SLC4A8: variants seen among roughly 807,000 people sequenced by gnomAD.
SLC4A8 encodes the protein electroneutral sodium bicarbonate exchanger 1.
Under a neutral mutation model 125.0 loss-of-function variants are expected in SLC4A8, and 40 were observed. The observed-to-expected ratio is 0.32, with a 90% CI of 0.25 to 0.42. SLC4A8 has a LOEUF of 0.42. Among genes scored for constraint, SLC4A8 ranks in the 10% least tolerant of loss-of-function variants. The probability of loss-of-function intolerance (pLI) is 1.00; values close to 1 mark genes in which losing one functional copy is unlikely to be tolerated. For missense variants in SLC4A8, 863 were observed against 1,355.1 expected (o/e 0.64, Z 5.70); for synonymous variants, 456 against 476.0 (o/e 0.96, Z 0.55).
chr12:51,440,842 G>T, intron 2 of SLC4A8, 53 bp downstream of exon 2: 9 of 1,439,252 alleles, frequency 6.3e-6, no homozygotes, highest in Non-Finnish European at 8.6e-6. Context: ...GCAGCCTGGT[G>T]TGGGAAGACC....
In SLC4A8 at chr12:51,475,218, G is replaced by A. The variant is rs1228480562; in HGVS notation, c.2172+12G>A. On this transcript the variant is annotated intron_variant, in intron 16 of 24. Coordinates refer to ENST00000453097, the MANE Select transcript of SLC4A8 (RefSeq NM_001039960.3). ...ATTTCCCAACCAGAGTAGGTAGCAT[G>A]TTCATGCATTTCTTTCACGTTAGAA... 1.1e-5 allele frequency: 17 copies of A among 1,612,924 alleles called. No individual in the cohort carries two copies. The highest frequency in any genetic ancestry group is 1.3e-5 in the Non-Finnish European group (15 of 1,179,010).
chr12:51,447,958 A>G (rs1212170268), intron 2 of SLC4A8, among the ~76,000 whole-genome samples: 1 of 151,336 alleles, frequency 6.6e-6, no homozygotes, highest in Non-Finnish European at 1.5e-5. Context: ...TGACCTTGTG[A>G]TCCGCCTGCC....
At chr12:51,498,879 CA>C (rs1179044009) in intron 22 of SLC4A8, among the ~76,000 whole-genome samples, 1 of 35,912 alleles carries the variant, frequency 2.8e-5, no homozygotes. Flanking sequence ...GATCCTGTCT[CA>C]AAAAAAAAAA....
At chr12:51,415,644 CTA>C (rs1948672836) in intron 1 of SLC4A8, among the ~76,000 whole-genome samples, 1 of 151,538 alleles carries the variant, frequency 6.6e-6, no homozygotes, top group African/African-American at 2.4e-5. Context: ...ATCTTTGTTG[CTA>C]TGTTATTTGT....
chr12:51,457,560 TTC>T (rs1286332365), intron 6 of SLC4A8, 21 bp downstream of exon 6: 3 of 1,599,686 alleles, frequency 1.9e-6, no homozygotes, highest in Admixed American at 1.7e-5. Context: ...TAGGTGATTT[TTC>T]TCTCTTTATT....
chr12:51,447,714 CTT>C (rs1239053396), intron 2 of SLC4A8, among the ~76,000 whole-genome samples: 149 of 125,640 alleles, frequency 1.2e-3, no homozygotes, highest in African/African-American at 3.5e-3. Context: ...GGGATTTCCA[CTT>C]TTTTTTTTTT....
At chr12:51,402,654 G>A (rs1948413496) in intron 1 of SLC4A8, among the ~76,000 whole-genome samples, 1 of 152,110 alleles carries the variant, frequency 6.6e-6, no homozygotes, top group African/African-American at 2.4e-5. Context: ...CCTGGGAGGT[G>A]GAGGTTGCAG....
intron 1 of SLC4A8, among the ~76,000 whole-genome samples, chr12:51,402,715 T>G (rs1212248270): frequency 1.3e-5 from 2 of 152,072 alleles, no homozygotes; most frequent in African/African-American, 4.8e-5. Context: ...AGAGTGAAAC[T>G]CCATCTCAAA....
intron 1 of SLC4A8, among the ~76,000 whole-genome samples, chr12:51,431,027 GTTTC>G (rs1228018870): frequency 6.6e-6 from 1 of 152,212 alleles, no homozygotes; most frequent in Non-Finnish European, 1.5e-5. Flanking sequence ...TGGCGGGACT[GTTTC>G]TTTCTGGAGG....
At chr12:51,433,450 C>G (rs1949261373) in intron 1 of SLC4A8, among the ~76,000 whole-genome samples, 1 of 151,982 alleles carries the variant, frequency 6.6e-6, no homozygotes, top group Non-Finnish European at 1.5e-5. Context: ...ATGTGTTTCT[C>G]AGGATTCTAA....
intron 17 of SLC4A8, 40 bp from the exon 18 acceptor site, chr12:51,488,659 T>C: frequency 6.4e-7 from 1 of 1,553,772 alleles, no homozygotes; most frequent in Non-Finnish European, 8.9e-7. Context: ...CCCCAATGAC[T>C]ATAACTTAAA....
At chr12:51,422,565 G>A (rs1465542582), upstream of SLC4A8, among the ~76,000 whole-genome samples, 1 of 151,964 alleles carries the variant, frequency 6.6e-6, no homozygotes, top group Non-Finnish European at 1.5e-5. Context: ...CTACATGTTG[G>A]CCCAAGTTGG....
At chr12:51,492,953 T>C (rs1951356430) in intron 19 of SLC4A8, among the ~76,000 whole-genome samples, 1 of 152,088 alleles carries the variant, frequency 6.6e-6, no homozygotes, top group Non-Finnish European at 1.5e-5. Context: ...TGGTTTTCTG[T>C]TCATGTGTTA....
In SLC4A8 at chr12:51,473,852, A is replaced by G. The variant is rs180829064; in HGVS notation, c.1905-490A>G. 1.3e-3 allele frequency among the ~76,000 whole-genome samples: 193 copies of G among 152,358 alleles called. 1 individual carries two copies. Among genetic ancestry groups the G allele is most frequent in the Non-Finnish European group, 2.0e-3 (138 of 68,030 alleles). On this transcript the variant is annotated intron_variant, in intron 14 of 24. Coordinates refer to ENST00000453097, the MANE Select transcript of SLC4A8 (RefSeq NM_001039960.3). ...TAACTCAGTGTCAGAAAGTGCTTACATCACGATTCCAGGAGACTCTGACTT... is the reference window on the plus strand; with the variant it reads ...TAACTCAGTGTCAGAAAGTGCTTACGTCACGATTCCAGGAGACTCTGACTT...
chr12:51,453,673 A>C lies in SLC4A8; in HGVS notation c.548A>C (p.His183Pro), dbSNP rs1489602307. The C allele has an allele frequency of 3.1e-6, 5 of 1,614,082 alleles. No homozygotes were observed. The highest frequency in any genetic ancestry group is 4.2e-6 in the Non-Finnish European group (5 of 1,179,954). ...LINGTVLLDM[H>P]ANSIEEISDL... ...AATGGAACAGTCCTCCTGGATATGC[A>C]TGCAAATAGCATAGAAGAAATTTCA... Residue 183 changes from histidine to proline, a missense_variant, in exon 5 of 25, where the codon CAT becomes CCT. Around this residue, in one of 6 missense-constraint regions of SLC4A8, gnomAD observed 390 missense variants for 634.4 expected, o/e 0.61. Coordinates refer to ENST00000453097, the MANE Select transcript of SLC4A8 (RefSeq NM_001039960.3).
intron 1 of SLC4A8, chr12:51,425,405 C>T: frequency 9.3e-7 from 1 of 1,073,466 alleles, no homozygotes; most frequent in Non-Finnish European, 1.1e-6. Context: ...GTAGCAGGGA[C>T]CTTGCTCTGG....
intron 1 of SLC4A8, among the ~76,000 whole-genome samples, chr12:51,433,880 G>GTTTTTTTTTTT (rs1565772475): frequency 1.4e-5 from 1 of 71,712 alleles, no homozygotes; most frequent in African/African-American, 5.5e-5. Flanking sequence ...TTTTTTTTTG[G>GTTTTTTTTTTT]TTGGTTTTTT....
chr12:51,422,445 C>G (rs567411710), upstream of SLC4A8, among the ~76,000 whole-genome samples: 60 of 152,264 alleles, frequency 3.9e-4, no homozygotes, highest in African/African-American at 1.3e-3. Context: ...TGAAGCCTCT[C>G]CTGGGCTCAG....
chr12:51,450,946 T>G lies in SLC4A8; in HGVS notation c.201T>G (p.His67Gln). 1.2e-6 allele frequency: 2 copies of G among 1,606,544 alleles called. No individual in the cohort carries two copies. The highest frequency in any genetic ancestry group is 1.7e-6 in the Non-Finnish European group (2 of 1,175,918). Reference sequence around the variant, plus strand: ...AGAGCCATCGGCATCACCGCACTCATGGCCAGAAGCACCGGAGACGAGGGC... The same window carrying G: ...AGAGCCATCGGCATCACCGCACTCAGGGCCAGAAGCACCGGAGACGAGGGC... Reference protein sequence around the residue: ...GRQSHRHHRTHGQKHRRRGRG... With the variant: ...GRQSHRHHRTQGQKHRRRGRG... Residue 67 changes from histidine to glutamine, a missense_variant, in exon 3 of 25, where the codon CAT becomes CAG. Coordinates refer to ENST00000453097, the MANE Select transcript of SLC4A8 (RefSeq NM_001039960.3).
Sources: allele counts gnomAD v4.1 joint callset (sites outside exome capture counted in the v4.1 genomes callset), GRCh38; gene constraint gnomAD v4.1.1; regional missense constraint gnomAD v4.1.1; transcripts MANE v1.5; gene names NCBI Gene and HGNC (gene_info 2026-07-23, HGNC 2026-07-21).